RASGRP1: variants seen among roughly 807,000 people sequenced by gnomAD.
RASGRP1 encodes RAS guanyl-releasing protein 1.
A neutral mutation model predicts 95.1 loss-of-function variants in RASGRP1; 37 were observed. The observed-to-expected ratio is 0.39, with a 90% CI of 0.30 to 0.51. RASGRP1 has a LOEUF of 0.51. Ranked by LOEUF, RASGRP1 falls within the 20% of genes least tolerant of loss-of-function variation. RASGRP1 has a pLI of 0.80. For synonymous variants in RASGRP1, 325 were observed against 353.4 expected (o/e 0.92, Z 0.90); for missense variants, 711 against 965.4 (o/e 0.74, Z 3.49).
At chr15:38,545,039 T>C (rs1893056851) in intron 2 of RASGRP1, among the ~76,000 whole-genome samples, 1 of 152,242 alleles carries the variant, frequency 6.6e-6, no homozygotes, top group Non-Finnish European at 1.5e-5. Context: ...CCCAGTTCTT[T>C]GGTAGATTTA....
rs550728398 is a variant in RASGRP1 at position 38,490,194 on chromosome 15, G to A, written c.*360C>T. The A allele has an allele frequency of 5.9e-4, 97 of 165,686 alleles. No individual in the cohort carries two copies. The highest frequency in any genetic ancestry group is 1.2e-3 in the Admixed American group (19 of 15,598). The allele number at this position is 165,686 out of a possible 1,614,324, so 10.3% of individuals were successfully genotyped here. ...TCAGTTTGCAGAAAACACAGGGTAA[G>A]AAGCAAATCCATTTTCCAGAGATTT... is the stretch of plus-strand genomic sequence containing the variant. On this transcript the variant is annotated 3_prime_UTR_variant, in exon 17 of 17. Coordinates refer to ENST00000310803, the MANE Select transcript of RASGRP1 (RefSeq NM_005739.4).
rs201283825 is a variant in RASGRP1 at position 38,518,367 on chromosome 15, G to A, written c.446C>T (p.Thr149Ile). 66 of 1,609,128 alleles carry A rather than the reference G, an allele frequency of 4.1e-5. No individual in the cohort carries two copies. Among genetic ancestry groups the A allele is most frequent in the Non-Finnish European group, 5.3e-5 (63 of 1,177,766 alleles). The change falls in exon 5 of 17, where the codon ACT (threonine) becomes ATT (isoleucine). Residue 149 changes from threonine to isoleucine, a missense_variant. Thr to Ile is a moderately conservative substitution (Grantham distance 89). Coordinates refer to ENST00000310803, the MANE Select transcript of RASGRP1 (RefSeq NM_005739.4). ...CACCAGTTCCTGAAACTCCTCCATA[G>A]TGTCTGTCAAGCTGGCGTCCATTTT... ...MFKMDASLTD[T>I]MEEFQELVKA...
chr15:38,553,826 G>T (rs1161030855), intron 2 of RASGRP1, among the ~76,000 whole-genome samples: 2 of 152,182 alleles, frequency 1.3e-5, no homozygotes, highest in Non-Finnish European at 2.9e-5. Context: ...GATCTGGCTG[G>T]ATTGTTTTAG....
At chr15:38,512,609 A>AC (rs1891580150) in intron 7 of RASGRP1, among the ~76,000 whole-genome samples, 174 bp downstream of exon 7, 1 of 152,194 alleles carries the variant, frequency 6.6e-6, no homozygotes, top group Non-Finnish European at 1.5e-5. Flanking sequence ...CCTTGTATGG[A>AC]AGAAGAGACA....
At chr15:38,537,091 A>C (rs1471607315) in intron 2 of RASGRP1, among the ~76,000 whole-genome samples, 1 of 151,870 alleles carries the variant, frequency 6.6e-6, no homozygotes, top group Non-Finnish European at 1.5e-5. Flanking sequence ...CCAGACTGGA[A>C]CCATGATTTT....
intron 2 of RASGRP1, chr15:38,534,165 C>T (rs1328010246): frequency 1.3e-5 from 2 of 151,864 alleles, no homozygotes; most frequent in African/African-American, 4.9e-5. Context: ...ACAGTTAATC[C>T]AGATCAACAA....
Position 38,526,307 on chromosome 15 carries a change from A to T in RASGRP1, c.318T>A (p.Val106=), listed in dbSNP as rs1892217222. ...VISSAELLQK[V]ITLYKDALAK... ...ACTATGTTAAAGGATATAGGGTGAT[A>T]ACTTTTTGGAGCAGTTCTGCAGAGG... Residue 106 remains valine (V), a synonymous_variant, in exon 3 of 17, where the codon GTT becomes GTA. Transcript: ENST00000310803. 6.2e-7 allele frequency: 1 copy of T among 1,612,252 alleles called. No homozygotes were observed. The highest frequency in any genetic ancestry group is 1.3e-5 in the African/African-American group (1 of 74,864).
intron 13 of RASGRP1, among the ~76,000 whole-genome samples, chr15:38,500,773 C>T (rs1440592654): frequency 6.6e-6 from 1 of 152,056 alleles, no homozygotes; most frequent in Non-Finnish European, 1.5e-5. Flanking sequence ...TAGGGGGAAA[C>T]GATTGGTCAG....
chr15:38,493,283 T>G (rs1412922365), intron 16 of RASGRP1, among the ~76,000 whole-genome samples: 3 of 150,472 alleles, frequency 2.0e-5, no homozygotes, highest in Non-Finnish European at 4.4e-5. Context: ...GTTCAAGTGA[T>G]TCTCCTGCCT....
chr15:38,543,607 C>T (rs1487277950), intron 2 of RASGRP1, among the ~76,000 whole-genome samples: 8 of 135,112 alleles, frequency 5.9e-5, no homozygotes, highest in Non-Finnish European at 1.1e-4. Flanking sequence ...GAGATATTGA[C>T]CTGTCATTGA....
intron 2 of RASGRP1, among the ~76,000 whole-genome samples, chr15:38,544,226 A>G (rs1330709808): frequency 2.0e-5 from 3 of 152,150 alleles, no homozygotes; most frequent in Non-Finnish European, 2.9e-5. Flanking sequence ...TATTTCCCAG[A>G]CCATGAGACC....
intron 2 of RASGRP1, among the ~76,000 whole-genome samples, chr15:38,527,569 G>C (rs942169238): frequency 6.6e-6 from 1 of 152,068 alleles, no homozygotes; most frequent in African/African-American, 2.4e-5. Flanking sequence ...TCATTTATAC[G>C]AACTGAATTC....
At chr15:38,491,484 T>C (rs573580869) in intron 16 of RASGRP1, among the ~76,000 whole-genome samples, 1 of 152,318 alleles carries the variant, frequency 6.6e-6, no homozygotes, top group South Asian at 2.1e-4. Flanking sequence ...TGTTGCCGTA[T>C]AGTATAAAAC....
intron 2 of RASGRP1, among the ~76,000 whole-genome samples, chr15:38,538,318 T>A (rs1230395038): frequency 6.6e-6 from 1 of 152,132 alleles, no homozygotes; most frequent in East Asian, 1.9e-4. Context: ...AAGTCATGAA[T>A]TGATGTGTTG....
intron 2 of RASGRP1, 38 bp from the exon 3 acceptor site, chr15:38,526,442 G>A (rs1892223798): frequency 2.0e-6 from 3 of 1,528,634 alleles, no homozygotes; most frequent in Non-Finnish European, 2.7e-6. Context: ...TTAGGCCCTG[G>A]AGGGAAACTA....
intron 12 of RASGRP1, among the ~76,000 whole-genome samples, chr15:38,502,001 CCCA>C (rs79318136): frequency 0.011 from 1,699 of 152,022 alleles, 20 homozygotes; most frequent in Non-Finnish European, 0.019. Context: ...ATTACAGGTG[CCCA>C]CCACCACACC....
chr15:38,564,698 A>T lies in RASGRP1; in HGVS notation c.-70T>A. The T allele has an allele frequency of 8.6e-7, 1 of 1,166,418 alleles. No homozygotes were observed. 72.3% of individuals were successfully genotyped at this position (1,166,418 alleles called of 1,614,324 possible). ...GGCGCGGCGCATCGCCCCCGCCACC[A>T]CCGCCGCCGCCTGCCGGCTCTCTCC... On this transcript the variant is annotated 5_prime_UTR_variant, in exon 1 of 17. Coordinates refer to ENST00000310803, the MANE Select transcript of RASGRP1 (RefSeq NM_005739.4).
chr15:38,502,330 C>A lies in RASGRP1; in HGVS notation c.1520G>T (p.Cys507Phe). Residue 507 changes from cysteine to phenylalanine, a missense_variant, in exon 12 of 17, where the codon TGT becomes TTT. This residue lies in a region of RASGRP1 where 491 missense variants were observed against 676.6 expected (regional missense o/e 0.73). Coordinates refer to ENST00000310803, the MANE Select transcript of RASGRP1 (RefSeq NM_005739.4). ...KIAASFPFSF[C>F]VMDKDREGLI... is the part of the protein sequence containing the mutation. Reference sequence around the variant, plus strand: ...CCCTCACCTGTCTTTGTCCATCACACAGAAGGAAAATGGAAAACTCGCAGC... The same window carrying A: ...CCCTCACCTGTCTTTGTCCATCACAAAGAAGGAAAATGGAAAACTCGCAGC... The A allele has an allele frequency of 6.3e-7, 1 of 1,590,022 alleles. No individual in the cohort carries two copies.
chr15:38,494,234 TCTCC>T, intron 16 of RASGRP1, 144 bp downstream of exon 16: 1 of 1,041,818 alleles, frequency 9.6e-7, no homozygotes, highest in Non-Finnish European at 1.4e-6. Context: ...CCTCCCTGTT[TCTCC>T]CTCCCTGTTT....
Sources: allele counts gnomAD v4.1 joint callset (sites outside exome capture counted in the v4.1 genomes callset), GRCh38; gene constraint gnomAD v4.1.1; regional missense constraint gnomAD v4.1.1; transcripts MANE v1.5; gene names NCBI Gene and HGNC (gene_info 2026-07-23, HGNC 2026-07-21).